ELOVL5: variants seen among roughly 807,000 people sequenced by gnomAD.
ELOVL5 encodes the protein ELOVL fatty acid elongase 5.
A neutral mutation model predicts 38.6 loss-of-function variants in ELOVL5; 8 were observed. The observed-to-expected ratio is 0.21, with a 90% CI of 0.12 to 0.37. The LOEUF (loss-of-function observed/expected upper bound fraction) is 0.37, where lower values mean the gene tolerates loss of function less well. Ranked by LOEUF, ELOVL5 falls within the 10% of genes least tolerant of loss-of-function variation. The pLI is 1.00. For synonymous variants in ELOVL5, 127 were observed against 133.7 expected (o/e 0.95, Z 0.34); for missense variants, 280 against 367.8 (o/e 0.76, Z 1.95).
rs917034702 is a variant in ELOVL5, at chr6:53,268,909, C to A, written c.*218G>T. ...ATAATACTCCCTTTCCACAGTCTAGCGCAGGGGTCAGAGAGCCCAGAAATG... is the reference window on the plus strand; with the variant it reads ...ATAATACTCCCTTTCCACAGTCTAGAGCAGGGGTCAGAGAGCCCAGAAATG... On this transcript the variant is annotated 3_prime_UTR_variant, in exon 8 of 8. Coordinates refer to ENST00000304434, the MANE Select transcript of ELOVL5 (RefSeq NM_021814.5). The A allele has an allele frequency of 4.0e-6, 2 of 497,630 alleles. No individual in the cohort carries two copies. The highest frequency in any genetic ancestry group is 6.6e-5 in the East Asian group (2 of 30,428). The allele number at this position is 497,630 out of a possible 1,614,324, so 30.8% of individuals were successfully genotyped here.
intron 1 of ELOVL5, among the ~76,000 whole-genome samples, chr6:53,298,925 C>T (rs923325286): frequency 1.4e-5 from 2 of 147,370 alleles, no homozygotes; most frequent in African/African-American, 5.1e-5. Context: ...GATAATATAT[C>T]AGGAGAGGAA....
At chr6:53,319,140 G>T (rs1425476057) in intron 1 of ELOVL5, among the ~76,000 whole-genome samples, 1 of 151,734 alleles carries the variant, frequency 6.6e-6, no homozygotes, top group Non-Finnish European at 1.5e-5. Flanking sequence ...GCGCAGTAGC[G>T]GGCGCCTGTA....
intron 1 of ELOVL5, among the ~76,000 whole-genome samples, chr6:53,338,234 G>C (rs985564363): frequency 7.9e-5 from 12 of 152,088 alleles, no homozygotes; most frequent in Non-Finnish European, 1.5e-4. Context: ...TAAAAAGATG[G>C]TAAGTTCAAG....
rs1210880913 is a variant in ELOVL5 at position 53,275,152 on chromosome 6, T to C, written c.434A>G (p.Tyr145Cys). The C allele has an allele frequency of 1.2e-6, 2 of 1,614,136 alleles. No homozygotes were observed. Among genetic ancestry groups the C allele is most frequent in the Admixed American group, 1.7e-5 (1 of 60,024 alleles). Residue 145 changes from tyrosine to cysteine, a missense_variant, in exon 5 of 8, where the codon TAC becomes TGC. Physicochemically the swap from Tyr to Cys is radical, Grantham distance 194 (BLOSUM62 -2). Around this residue, in one of 3 missense-constraint regions of ELOVL5, gnomAD observed 150 missense variants for 178.0 expected, o/e 0.84. Coordinates refer to ENST00000304434, the MANE Select transcript of ELOVL5 (RefSeq NM_021814.5). ...NNHQITVLHV[Y>C]HHASMLNIWW... ...GATGTTCAGCATCGAGGCATGGTGG[T>C]AGACGTGCAGGACCGTGATCTGGTG...
At chr6:53,318,651 G>C (rs1000258901) in intron 1 of ELOVL5, among the ~76,000 whole-genome samples, 1 of 151,950 alleles carries the variant, frequency 6.6e-6, no homozygotes, top group African/African-American at 2.4e-5. Context: ...GAGGTGAGAG[G>C]ATGGCTTGAG....
chr6:53,312,513 A>G (rs557457900), intron 1 of ELOVL5, among the ~76,000 whole-genome samples: 4 of 152,202 alleles, frequency 2.6e-5, no homozygotes, highest in Non-Finnish European at 5.9e-5. Flanking sequence ...GGGGTTACAA[A>G]GGGTGTGAAG....
intron 6 of ELOVL5, among the ~76,000 whole-genome samples, chr6:53,271,419 A>T (rs941767903): frequency 6.6e-6 from 1 of 152,166 alleles, no homozygotes; most frequent in Non-Finnish European, 1.5e-5. Context: ...GTATGGTGGC[A>T]CACGCCGGTA....
Position 53,291,876 on chromosome 6 carries a change from C to A in ELOVL5, c.146G>T (p.Gly49Val). The stretch of plus-strand genomic sequence containing the variant: ...CTGTTTATTCCTCATGTATTTTGGT[C>A]CCAGCCATACAATTAGTAAATATAT... ...SVIYLLIVWLGPKYMRNKQPF... is the reference protein window; with the variant it reads ...SVIYLLIVWLVPKYMRNKQPF... The change falls in exon 3 of 8, where the codon GGA becomes GTA. Residue 49 changes from glycine to valine, a missense_variant. This residue lies in a region of ELOVL5 where 150 missense variants were observed against 178.0 expected (regional missense o/e 0.84). Coordinates refer to ENST00000304434, the MANE Select transcript of ELOVL5 (RefSeq NM_021814.5). 1 of 1,613,282 alleles carries A rather than the reference C, an allele frequency of 6.2e-7. No homozygotes were observed. The highest frequency in any genetic ancestry group is 2.2e-5 in the East Asian group (1 of 44,862).
At chr6:53,298,579 G>C (rs1204230644) in intron 1 of ELOVL5, among the ~76,000 whole-genome samples, 1 of 152,076 alleles carries the variant, frequency 6.6e-6, no homozygotes, top group Non-Finnish European at 1.5e-5. Flanking sequence ...GATTAAATAA[G>C]GTAATATAAA....
intron 1 of ELOVL5, among the ~76,000 whole-genome samples, chr6:53,299,577 G>A (rs1328202559): frequency 6.6e-6 from 1 of 152,106 alleles, no homozygotes; most frequent in East Asian, 1.9e-4. Flanking sequence ...TTAAACATAA[G>A]GTAAAATTTC....
intron 2 of ELOVL5, among the ~76,000 whole-genome samples, chr6:53,293,047 C>T (rs547022353): frequency 1.8e-4 from 27 of 152,226 alleles, no homozygotes; most frequent in African/African-American, 6.0e-4. Flanking sequence ...GCGGGAAACT[C>T]CTTGGCAGCC....
At chr6:53,295,238 G>A (rs550243273) in intron 2 of ELOVL5, among the ~76,000 whole-genome samples, 30 of 152,270 alleles carry the variant, frequency 2.0e-4, no homozygotes, top group African/African-American at 7.0e-4. Context: ...ATTTACCAGT[G>A]AGTTAACATG....
chr6:53,307,313 TCACCACTTA>T (rs547690899), intron 1 of ELOVL5, among the ~76,000 whole-genome samples: 106 of 152,342 alleles, frequency 7.0e-4, no homozygotes, highest in African/African-American at 2.4e-3. Context: ...AATCCCTGCT[TCACCACTTA>T]CTAGCTGTGT....
chr6:53,275,261 T>C lies in ELOVL5; in HGVS notation c.325A>G (p.Ile109Val). 6.2e-7 allele frequency: 1 copy of C among 1,613,974 alleles called. No homozygotes were observed. Among genetic ancestry groups the C allele is most frequent in the Non-Finnish European group, 8.5e-7 (1 of 1,179,868 alleles). The change falls in exon 5 of 8, where the codon ATT becomes GTT. Residue 109 changes from isoleucine (I) to valine (V), a missense_variant and splice_region_variant. Around this residue, in one of 3 missense-constraint regions of ELOVL5, gnomAD observed 150 missense variants for 178.0 expected, o/e 0.84. Coordinates refer to ENST00000304434, the MANE Select transcript of ELOVL5 (RefSeq NM_021814.5). Reference protein sequence around the residue: ...TRTAGESDMKIIRVLWWYYFS... With the variant: ...TRTAGESDMKVIRVLWWYYFS... ...TAGTACCACCAGAGGACACGGATAATCTAAGAGGAAAGGGTCAAAGATTTA... is the reference window on the plus strand; with the variant it reads ...TAGTACCACCAGAGGACACGGATAACCTAAGAGGAAAGGGTCAAAGATTTA...
chr6:53,311,773 T>C (rs965034879), intron 1 of ELOVL5, among the ~76,000 whole-genome samples: 8 of 152,164 alleles, frequency 5.3e-5, no homozygotes, highest in East Asian at 1.9e-4. Context: ...ATGTCCAGAA[T>C]AGGCAGATCC....
At chr6:53,280,785 G>A (rs1378736610) in intron 3 of ELOVL5, among the ~76,000 whole-genome samples, 1 of 152,078 alleles carries the variant, frequency 6.6e-6, no homozygotes, top group Non-Finnish European at 1.5e-5. Context: ...TGTAAAGATG[G>A]GGTTTCACCA....
At chr6:53,288,495 A>G (rs1362901921) in intron 3 of ELOVL5, among the ~76,000 whole-genome samples, 9 of 152,186 alleles carry the variant, frequency 5.9e-5, no homozygotes, top group Non-Finnish European at 2.9e-5. Context: ...TCAAATTAAA[A>G]CATACCACTA....
intron 1 of ELOVL5, among the ~76,000 whole-genome samples, chr6:53,335,522 G>C (rs934148): frequency 0.36 from 55,242 of 151,502 alleles, 11,153 homozygotes; most frequent in African/African-American, 0.55. Context: ...GTCTGATTTA[G>C]GTGTCCTTCC....
At chr6:53,297,023 G>A (rs748173850) in intron 1 of ELOVL5, among the ~76,000 whole-genome samples, 9 of 152,150 alleles carry the variant, frequency 5.9e-5, no homozygotes, top group Non-Finnish European at 1.3e-4. Flanking sequence ...GTAGAGATAG[G>A]AGGAGCCATC....
Sources: allele counts gnomAD v4.1 joint callset (sites outside exome capture counted in the v4.1 genomes callset), GRCh38; gene constraint gnomAD v4.1.1; regional missense constraint gnomAD v4.1.1; transcripts MANE v1.5; gene names NCBI Gene and HGNC (gene_info 2026-07-23, HGNC 2026-07-21).